The following UACA variants were observed in gnomAD, a reference collection of about 807,000 sequenced individuals.
UACA encodes uveal autoantigen with coiled-coil domains and ankyrin repeats.
In UACA, 112 loss-of-function variants were observed where a neutral mutation model predicts 160.5. The observed-to-expected ratio is 0.70, with a 90% CI of 0.60 to 0.82. The LOEUF (loss-of-function observed/expected upper bound fraction) is 0.82. UACA is among the 40% of genes least tolerant of loss of function. UACA has a pLI of 0.00. For synonymous variants in UACA, 557 were observed against 568.4 expected (o/e 0.98, Z 0.29); for missense variants, 1,574 against 1,614.6 (o/e 0.97, Z 0.43).
chr15:70,726,649 C>T (rs774062147), intron 1 of UACA, among the ~76,000 whole-genome samples: 8 of 151,964 alleles, frequency 5.3e-5, no homozygotes, highest in Non-Finnish European at 1.2e-4. Context: ...AGGGAATAGC[C>T]GAAAAATTAA....
intron 3 of UACA, among the ~76,000 whole-genome samples, chr15:70,692,582 C>A (rs979823917): frequency 2.6e-5 from 4 of 152,050 alleles, no homozygotes; most frequent in Non-Finnish European, 2.9e-5. Flanking sequence ...CCAGCGTGGG[C>A]AACATAGTGA....
chr15:70,763,275 AG>A (rs34959545), intron 1 of UACA, 54 bp downstream of exon 1: 1 of 1,296,882 alleles, frequency 7.7e-7, no homozygotes, highest in East Asian at 3.2e-5. Context: ...CCAGCAAAGG[AG>A]GGCTGCGCTG....
chr15:70,759,609 C>T (rs1324339020), intron 1 of UACA, among the ~76,000 whole-genome samples: 2 of 152,188 alleles, frequency 1.3e-5, no homozygotes, highest in African/African-American at 4.8e-5. Flanking sequence ...GAGCCGAGAT[C>T]ACGTCATTGC....
At chr15:70,680,982 C>T (rs547466249) in intron 9 of UACA, among the ~76,000 whole-genome samples, 37 of 152,274 alleles carry the variant, frequency 2.4e-4, no homozygotes, top group African/African-American at 8.2e-4. Flanking sequence ...ATGGGCACAT[C>T]GCTCCTGTCA....
chr15:70,722,500 T>C (rs896700511), intron 1 of UACA, among the ~76,000 whole-genome samples: 2 of 152,050 alleles, frequency 1.3e-5, no homozygotes, highest in Non-Finnish European at 2.9e-5. Flanking sequence ...TTATTTTTAG[T>C]AAAGAAGAGG....
At chr15:70,709,767 T>C (rs894384768) in intron 1 of UACA, among the ~76,000 whole-genome samples, 13 of 152,304 alleles carry the variant, frequency 8.5e-5, no homozygotes, top group Admixed American at 4.6e-4. Context: ...CTTTAACATA[T>C]ATGCAAATCC....
chr15:70,746,665 T>C (rs904609165), intron 1 of UACA, among the ~76,000 whole-genome samples: 4 of 152,130 alleles, frequency 2.6e-5, no homozygotes, highest in Non-Finnish European at 5.9e-5. Flanking sequence ...ATCATTCCAC[T>C]ATAAAGACAC....
rs954037018 is a variant in UACA, at chr15:70,695,238, A to C, written c.213-133T>G. ...CACACATTTTAAAGGCTACATTAGA[A>C]CACCTACATATTTAATTAAAATTAA... On this transcript the variant is annotated intron_variant, in intron 2 of 18. Coordinates refer to ENST00000322954, the MANE Select transcript of UACA (RefSeq NM_018003.4). 5 of 532,758 alleles carry C rather than the reference A, an allele frequency of 9.4e-6. No individual in the cohort carries two copies. In the Admixed American group the frequency reaches 1.5e-4, roughly 16 times the overall value. The allele number at this position is 532,758 out of a possible 1,614,324, so 33.0% of individuals were successfully genotyped here. A position where few individuals can be genotyped will look rare whatever the true frequency, so the allele number is the denominator to read the frequency against.
chr15:70,717,503 G>A (rs1255123846), intron 1 of UACA, among the ~76,000 whole-genome samples: 1 of 152,182 alleles, frequency 6.6e-6, no homozygotes, highest in Non-Finnish European at 1.5e-5. Flanking sequence ...AAGCATGGCT[G>A]TTTTCCACTA....
intron 1 of UACA, among the ~76,000 whole-genome samples, chr15:70,719,389 C>CA (rs1211391432): frequency 1.3e-5 from 2 of 152,284 alleles, no homozygotes; most frequent in Admixed American, 1.3e-4. Context: ...CTCAGTGGAA[C>CA]AAAATGGCTT....
intron 1 of UACA, among the ~76,000 whole-genome samples, chr15:70,755,008 G>A (rs74021847): frequency 2.0e-5 from 3 of 152,272 alleles, no homozygotes; most frequent in Non-Finnish European, 2.9e-5. Context: ...AAATAAGCAC[G>A]TGCAGGTGGA....
At chr15:70,678,843 T>G (rs562251066) in intron 10 of UACA, among the ~76,000 whole-genome samples, 4 of 152,276 alleles carry the variant, frequency 2.6e-5, no homozygotes, top group Admixed American at 6.5e-5. Context: ...CAAAATTATT[T>G]TTCTCAATCA....
At chr15:70,741,674 T>C (rs16954772) in intron 1 of UACA, among the ~76,000 whole-genome samples, 28,595 of 152,196 alleles carry the variant, frequency 0.19, 4,244 homozygotes, top group African/African-American at 0.41. Context: ...ATGTTATTAC[T>C]CATGAACAAT....
rs34478198 is a variant in UACA, at chr15:70,706,519, T to TAAA, written c.79-6862_79-6860dup. On this transcript the variant is annotated intron_variant, in intron 1 of 18. Transcript: ENST00000322954. ...TCTCAAATGCAATGATCTTATTTGTTAAAAAAAAAAAAAAAAAACTCTAAA... is the reference window on the plus strand; with the variant it reads ...TCTCAAATGCAATGATCTTATTTGTTAAAAAAAAAAAAAAAAAAAAACTCTAAA... 8.0e-4 allele frequency among the ~76,000 whole-genome samples: 97 copies of TAAA among 121,348 alleles called. No individual in the cohort carries two copies. The East Asian group carries it at 0.018, about 23-fold the overall frequency. The allele number at this position is 121,348 out of a possible 152,430, so 79.6% of individuals were successfully genotyped here.
At chr15:70,739,427 A>G (rs1899463325) in intron 1 of UACA, among the ~76,000 whole-genome samples, 1 of 152,112 alleles carries the variant, frequency 6.6e-6, no homozygotes, top group Admixed American at 6.5e-5. Context: ...AAGGAACAAA[A>G]TCACCCCTAG....
At chr15:70,776,099 G>A in the UACA span, among the ~76,000 whole-genome samples, 1 of 152,074 alleles carries the variant, frequency 6.6e-6, no homozygotes, top group Admixed American at 6.6e-5. Flanking sequence ...AGCTCCTGGT[G>A]TTATATGAAC....
intron 9 of UACA, 39 bp downstream of exon 9, chr15:70,682,719 C>A: frequency 1.5e-6 from 2 of 1,339,404 alleles, no homozygotes; most frequent in South Asian, 1.5e-5. Context: ...TTAAACTATA[C>A]AATACATATA....
intron 8 of UACA, 116 bp downstream of exon 8, chr15:70,684,149 T>G (rs993221825): frequency 2.3e-6 from 2 of 856,010 alleles, no homozygotes; most frequent in Non-Finnish European, 3.6e-6. Flanking sequence ...GAACCAATAC[T>G]GTTTATCAGT....
intron 1 of UACA, chr15:70,749,105 T>G (rs1245050160): frequency 4.5e-6 from 1 of 222,932 alleles, no homozygotes; most frequent in East Asian, 1.5e-4. Flanking sequence ...ATGCTTTTAT[T>G]ATACATATAT....
Sources: allele counts gnomAD v4.1 joint callset (sites outside exome capture counted in the v4.1 genomes callset), GRCh38; gene constraint gnomAD v4.1.1; transcripts MANE v1.5; gene names NCBI Gene and HGNC (gene_info 2026-07-23, HGNC 2026-07-21).